The following DLGAP1 variants were observed in gnomAD, a reference collection of about 807,000 sequenced individuals.
DLGAP1 encodes the protein DLG associated protein 1.
In DLGAP1, 11 loss-of-function variants were observed where a neutral mutation model predicts 90.8. The ratio of observed to expected loss-of-function variants is 0.12; its 90% CI spans 0.08 to 0.20. DLGAP1 has a LOEUF of 0.20. Ranked by LOEUF, DLGAP1 falls within the 10% of genes least tolerant of loss-of-function variation. The pLI is 1.00. For synonymous variants in DLGAP1, 558 were observed against 540.7 expected, an observed-to-expected ratio of 1.03 and a Z score of -0.44; for missense variants, 1,050 against 1,333.8, an observed-to-expected ratio of 0.79 and a Z score of 3.31.
At chr18:3,824,502 A>G (rs1405223801) in intron 4 of DLGAP1, among the ~76,000 whole-genome samples, 1 of 152,226 alleles carries the variant, frequency 6.6e-6, no homozygotes, top group Non-Finnish European at 1.5e-5. Flanking sequence ...GCTAGAGTCT[A>G]TAAAATATCA....
At chr18:4,329,249 A>AT in intron 1 of DLGAP1, among the ~76,000 whole-genome samples, 1 of 152,044 alleles carries the variant, frequency 6.6e-6, no homozygotes, top group African/African-American at 2.4e-5. Flanking sequence ...TTCCAGCATC[A>AT]TTTTTTGAAA....
chr18:3,918,725 G>T (rs950322259), intron 3 of DLGAP1, among the ~76,000 whole-genome samples: 13 of 152,300 alleles, frequency 8.5e-5, no homozygotes, highest in African/African-American at 3.1e-4. Flanking sequence ...AAGAGAAAGT[G>T]GAAGGAGGGC....
At chr18:4,322,045 C>A (rs933072750) in intron 1 of DLGAP1, among the ~76,000 whole-genome samples, 4 of 151,806 alleles carry the variant, frequency 2.6e-5, no homozygotes, top group African/African-American at 9.7e-5. Context: ...ACTAAAAATA[C>A]AAAATTTATC....
At chr18:3,657,070 T>C (rs1224277628) in intron 7 of DLGAP1, among the ~76,000 whole-genome samples, 1 of 152,186 alleles carries the variant, frequency 6.6e-6, no homozygotes. Context: ...AAGGTGAAAA[T>C]ACCAAACTAA....
At chr18:3,972,009 C>T (rs566137082) in intron 3 of DLGAP1, among the ~76,000 whole-genome samples, 2 of 152,234 alleles carry the variant, frequency 1.3e-5, no homozygotes, top group South Asian at 4.1e-4. Flanking sequence ...CATCAGGAGA[C>T]CATGAATAGC....
At chr18:4,102,555 A>G (rs1300523025) in intron 2 of DLGAP1, among the ~76,000 whole-genome samples, 1 of 152,172 alleles carries the variant, frequency 6.6e-6, no homozygotes, top group Non-Finnish European at 1.5e-5. Context: ...GGAGCAGACA[A>G]AAGGCAGACA....
chr18:3,502,386 C>T lies in DLGAP1; in HGVS notation c.2724+107G>A, dbSNP rs1264958289. On this transcript the variant is annotated intron_variant, in intron 12 of 12. Coordinates refer to ENST00000315677, the MANE Select transcript of DLGAP1 (RefSeq NM_004746.4). ...TACAATGAAATTAATATGATATCAG[C>T]TCCATTTCACATTGTAAACAGCAGG... The T allele has an allele frequency of 5.3e-6, 8 of 1,518,048 alleles. 1 individual carries two copies. The Admixed American group carries it at 1.9e-4, about 37-fold the overall frequency. The allele number at this position is 1,518,048 out of a possible 1,614,324, so 94.0% of individuals were successfully genotyped here.
At chr18:4,147,445 T>C (rs1233727119) in intron 2 of DLGAP1, among the ~76,000 whole-genome samples, 4 of 152,208 alleles carry the variant, frequency 2.6e-5, no homozygotes, top group African/African-American at 9.6e-5. Flanking sequence ...TATGGGCTTA[T>C]ATAATAAGGT....
At chr18:4,353,492 G>A (rs895508403) in intron 1 of DLGAP1, among the ~76,000 whole-genome samples, 1 of 152,082 alleles carries the variant, frequency 6.6e-6, no homozygotes, top group African/African-American at 2.4e-5. Flanking sequence ...GCAGTTTTAC[G>A]GTCTGGCTTT....
chr18:3,657,826 G>A (rs1295787331), intron 7 of DLGAP1, among the ~76,000 whole-genome samples: 3 of 151,566 alleles, frequency 2.0e-5, no homozygotes, highest in African/African-American at 7.3e-5. Flanking sequence ...GGATGGTCTC[G>A]ATCTCCTGAC....
chr18:4,386,713 G>A (rs2082236941), intron 1 of DLGAP1, among the ~76,000 whole-genome samples: 1 of 152,170 alleles, frequency 6.6e-6, no homozygotes. Flanking sequence ...AGGGATATGG[G>A]CAGCAACTCT....
chr18:4,072,211 T>A (rs2075457769), intron 2 of DLGAP1, among the ~76,000 whole-genome samples: 1 of 152,150 alleles, frequency 6.6e-6, no homozygotes, highest in African/African-American at 2.4e-5. Context: ...GAAGAATTAC[T>A]TTAAGGAGCC....
chr18:3,918,918 C>G (rs948647827), intron 3 of DLGAP1, among the ~76,000 whole-genome samples: 5 of 151,424 alleles, frequency 3.3e-5, no homozygotes, highest in Admixed American at 6.6e-5. Context: ...AGCTTAGGAA[C>G]CTGTACACAG....
At position 3,875,407 on chromosome 18, in the gene DLGAP1, T is replaced by C. The variant is rs1357899949; in HGVS notation, c.957+3705A>G. 2.6e-5 allele frequency among the ~76,000 whole-genome samples: 4 copies of C among 152,166 alleles called. No homozygotes were observed. The East Asian group carries it at 7.7e-4, about 29-fold the overall frequency. On this transcript the variant is annotated intron_variant, in intron 4 of 12. Transcript: ENST00000315677. Reference sequence around the variant, plus strand: ...CTAAAGTAAATAATACTCTACAAAGTTGTTTTGAGTACTTAATGAGACATA... The same window carrying C: ...CTAAAGTAAATAATACTCTACAAAGCTGTTTTGAGTACTTAATGAGACATA...
At chr18:3,930,771 G>A (rs1452976879) in intron 3 of DLGAP1, among the ~76,000 whole-genome samples, 1 of 152,152 alleles carries the variant, frequency 6.6e-6, no homozygotes, top group African/African-American at 2.4e-5. Context: ...GGTCCAGAGA[G>A]CTCTTGGACA....
chr18:4,097,238 C>T lies in DLGAP1; in HGVS notation c.-159+53942G>A, dbSNP rs936355554. Among the ~76,000 whole-genome samples the T allele has an allele frequency of 6.2e-4, 95 of 152,294 alleles. 1 individual carries two copies. The highest frequency in any genetic ancestry group is 1.2e-4 in the Non-Finnish European group (8 of 68,014). On this transcript the variant is annotated intron_variant, in intron 2 of 12. Transcript: ENST00000315677. The stretch of plus-strand genomic sequence containing the variant: ...CTAGTCTACTGCATTATGCTCAGTC[C>T]GTGGTGGGGATCTGATTGTTTCCTT...
At chr18:4,050,865 A>G (rs1479686369) in intron 2 of DLGAP1, among the ~76,000 whole-genome samples, 1 of 152,222 alleles carries the variant, frequency 6.6e-6, no homozygotes, top group East Asian at 1.9e-4. Context: ...AGCTCAGGAA[A>G]CATTTTCCAA....
chr18:4,401,977 T>C (rs1490900386), intron 1 of DLGAP1, among the ~76,000 whole-genome samples: 1 of 152,214 alleles, frequency 6.6e-6, no homozygotes, highest in Non-Finnish European at 1.5e-5. Flanking sequence ...GCAATCTATA[T>C]TTTAACAAGC....
chr18:3,930,300 A>G (rs2072487578), intron 3 of DLGAP1, among the ~76,000 whole-genome samples: 1 of 152,122 alleles, frequency 6.6e-6, no homozygotes, highest in Non-Finnish European at 1.5e-5. Context: ...AGTAGTTGCC[A>G]TGGGTGTGGT....
Sources: gnomAD v4.1 joint callset for allele counts (sites outside exome capture counted in the v4.1 genomes callset) on GRCh38, gnomAD v4.1.1 for gene constraint, MANE v1.5 for transcripts, NCBI Gene and HGNC (gene_info 2026-07-23, HGNC 2026-07-21) for gene names.